HDAC5: variants seen among roughly 807,000 people sequenced by gnomAD.
The protein encoded by HDAC5 is antigen NY-CO-9.
A neutral mutation model predicts 133.3 loss-of-function variants in HDAC5; 25 were observed. That is an observed-to-expected ratio of 0.19 (90% confidence interval 0.14 to 0.26). The LOEUF is 0.26. Ranked by LOEUF, HDAC5 falls within the 10% of genes least tolerant of loss-of-function variation. The pLI, the probability that HDAC5 is intolerant of heterozygous loss-of-function variation, is 1.00. For missense variants in HDAC5, 1,041 were observed against 1,460.5 expected (o/e 0.71, Z 4.68); for synonymous variants, 589 against 610.8 (o/e 0.96, Z 0.53).
intron 3 of HDAC5, among the ~76,000 whole-genome samples, chr17:44,108,766 A>C (rs568043841): frequency 0.015 from 2,258 of 146,744 alleles, 105 homozygotes; most frequent in African/African-American, 0.051. Context: ...AAAAAACAAA[A>C]AAAAAACAAA....
intron 14 of HDAC5, 63 bp downstream of exon 14, chr17:44,086,509 C>G: frequency 8.1e-7 from 1 of 1,240,978 alleles, no homozygotes; most frequent in Admixed American, 4.0e-5. Flanking sequence ...TGCCATGGGG[C>G]AGACACCACA....
In HDAC5 at chr17:44,107,471, G is replaced by A. The variant is rs569811360; in HGVS notation, c.94+3258C>T. ...AAAAATACAAAAATTAGCCAGGCAC[G>A]GTGGCGTGTGCCTGTAGTCCCAGCT... On this transcript the variant is annotated intron_variant, in intron 3 of 26. Transcript: ENST00000682912. Among the ~76,000 whole-genome samples, 3 of 152,110 alleles carry A rather than the reference G, an allele frequency of 2.0e-5. No individual in the cohort carries two copies. In the South Asian group the frequency reaches 6.2e-4, roughly 32 times the overall value.
chr17:44,079,998 C>T lies in HDAC5; in HGVS notation c.2944+109G>A, dbSNP rs996248704. On this transcript the variant is annotated intron_variant, in intron 23 of 26. Transcript: ENST00000682912. ...GATGATTCCAAGTCTAGGCCCTGCCCCCTGCTTTCCCCGTCTGCTGCAATA... is the reference window on the plus strand; with the variant it reads ...GATGATTCCAAGTCTAGGCCCTGCCTCCTGCTTTCCCCGTCTGCTGCAATA... 25 of 827,854 alleles carry T rather than the reference C, an allele frequency of 3.0e-5. No homozygotes were observed. In the South Asian group the frequency reaches 3.6e-4, roughly 12 times the overall value. 51.3% of individuals were successfully genotyped at this position (827,854 alleles called of 1,614,324 possible).
intron 24 of HDAC5, 68 bp downstream of exon 24, chr17:44,079,076 C>G (rs780775516): frequency 3.1e-5 from 49 of 1,578,558 alleles, no homozygotes; most frequent in Non-Finnish European, 4.2e-5. Flanking sequence ...GCTCCCAGTG[C>G]TGGCTGACCC....
At chr17:44,080,918 C>T (rs372734411) in intron 20 of HDAC5, 36 bp from the exon 21 acceptor site, 84 of 1,613,640 alleles carry the variant, frequency 5.2e-5, no homozygotes, top group African/African-American at 1.3e-4. Context: ...GAAAATGGCC[C>T]GCGCTCTGAC....
Position 44,086,691 on chromosome 17 carries a change from G to A in HDAC5, c.1931C>T (p.Ala644Val), listed in dbSNP as rs200751670. ...QPLQPLQVYQ[A>V]PLSLATVPHQ... Reference sequence around the variant, plus strand: ...GGGCACAGTGGCCAGGCTGAGGGGCGCCTGGTACACCTGCAAAGGCTGCAG... The same window carrying A: ...GGGCACAGTGGCCAGGCTGAGGGGCACCTGGTACACCTGCAAAGGCTGCAG... The change falls in exon 14 of 27, where the codon GCG (alanine) becomes GTG (valine). Residue 644 changes from alanine (A) to valine (V), a missense_variant. Transcript: ENST00000682912. 2.8e-5 allele frequency: 36 copies of A among 1,299,704 alleles called. No homozygotes were observed. The highest frequency in any genetic ancestry group is 2.2e-4 in the Middle Eastern group (1 of 4,478). 80.5% of individuals were successfully genotyped at this position (1,299,704 alleles called of 1,614,324 possible).
chr17:44,092,206 C>A lies in HDAC5; in HGVS notation c.998G>T (p.Gly333Val), dbSNP rs1731204217. ...NSSHSTIAEN[G>V]FTGSVPNIPT... ...GATGTTGGGGACTGAGCCAGTAAAG[C>A]CATTCTCAGCGATGGTGCTGTGGGA... Residue 333 changes from glycine to valine, a missense_variant, in exon 9 of 27, where the codon GGC (glycine) becomes GTC (valine). Physicochemically the swap from Gly to Val is moderately radical, Grantham distance 109. Around this residue, in one of 9 missense-constraint regions of HDAC5, gnomAD observed 433 missense variants for 531.6 expected, o/e 0.81. Coordinates refer to ENST00000682912, the MANE Select transcript of HDAC5 (RefSeq NM_005474.5). 8 of 1,613,902 alleles carry A rather than the reference C, an allele frequency of 5.0e-6. No individual in the cohort carries two copies. Among genetic ancestry groups the A allele is most frequent in the Non-Finnish European group, 6.8e-6 (8 of 1,179,974 alleles).
chr17:44,087,417 T>G lies in HDAC5; in HGVS notation c.1879A>C (p.Lys627Gln). The change falls in exon 13 of 27, where the codon AAA becomes CAA. Residue 627 changes from lysine to glutamine, a missense_variant. Physicochemically the swap from Lys to Gln is moderately conservative, Grantham distance 53. Transcript: ENST00000682912. The part of the protein sequence containing the change: ...PDLEEPGAGY[K>Q]KLFSDAQPLQ... ...GGACCAGGGACGGGGCTCACTTTTT[T>G]GTATCCAGCACCAGGCTCCTCCAAG... is the stretch of plus-strand genomic sequence containing the variant. 1.0e-6 allele frequency: 1 copy of G among 1,003,198 alleles called. No individual in the cohort carries two copies. Among genetic ancestry groups the G allele is most frequent in the Non-Finnish European group, 1.6e-6 (1 of 625,388 alleles). 62.1% of individuals were successfully genotyped at this position (1,003,198 alleles called of 1,614,324 possible).
At chr17:44,084,813 GT>G in intron 15 of HDAC5, 138 bp from the exon 16 acceptor site, 1 of 1,314,264 alleles carries the variant, frequency 7.6e-7, no homozygotes, top group South Asian at 1.4e-5. Context: ...TCCTGGCTCT[GT>G]CATGACCTTA....
chr17:44,121,101 GA>G (rs35741759), intron 1 of HDAC5, among the ~76,000 whole-genome samples: 38,408 of 87,856 alleles, frequency 0.44, 8,015 homozygotes, highest in Non-Finnish European at 0.55. Context: ...GCTATTTCTA[GA>G]AAAAAAAAAA....
chr17:44,084,453 CG>C, intron 16 of HDAC5, 101 bp downstream of exon 16: 2 of 1,430,384 alleles, frequency 1.4e-6, no homozygotes, highest in Non-Finnish European at 1.9e-6. Context: ...GCCCTATGCC[CG>C]TGGGGACAAC....
Position 44,091,277 on chromosome 17 carries a change from G to A in HDAC5, c.1380C>T (p.Leu460=), listed in dbSNP as rs762522537. The part of the protein sequence containing the change: ...LLEQARQQST[L]IAVPLHGQSP... The stretch of plus-strand genomic sequence containing the variant: ...AGCTACCTGTCCACTCACCAGCAAT[G>A]AGGGTGCTCTGCTGCCGGGCCTGCT... Residue 460 remains leucine (L), a synonymous_variant, in exon 11 of 27, where the codon CTC becomes CTT. Transcript: ENST00000682912. The A allele has an allele frequency of 2.5e-6, 4 of 1,610,206 alleles. No individual in the cohort carries two copies. Among genetic ancestry groups the A allele is most frequent in the Non-Finnish European group, 3.4e-6 (4 of 1,178,818 alleles).
At chr17:44,090,821 C>T (rs1157234063) in intron 11 of HDAC5, among the ~76,000 whole-genome samples, 1 of 152,084 alleles carries the variant, frequency 6.6e-6, no homozygotes, top group African/African-American at 2.4e-5. Context: ...TCCTGAGTAG[C>T]TGGGACTACA....
At chr17:44,109,300 T>A (rs545941116) in intron 3 of HDAC5, among the ~76,000 whole-genome samples, 2 of 152,150 alleles carry the variant, frequency 1.3e-5, no homozygotes, top group African/African-American at 4.8e-5. Flanking sequence ...GGTCTTTAGC[T>A]GGACCTGTGG....
At chr17:44,110,996 C>T in intron 2 of HDAC5, 196 bp from the exon 3 acceptor site, 1 of 576,884 alleles carries the variant, frequency 1.7e-6, no homozygotes. Context: ...TAGGGAAGTG[C>T]CTCATCCGGC....
At chr17:44,087,017 C>G (rs1425715164) in intron 13 of HDAC5, among the ~76,000 whole-genome samples, 1 of 151,310 alleles carries the variant, frequency 6.6e-6, no homozygotes. Context: ...ATGAGTCAGG[C>G]CCGGAGGGCT....
chr17:44,118,385 TA>T (rs1567694294), intron 1 of HDAC5, among the ~76,000 whole-genome samples: 1 of 152,150 alleles, frequency 6.6e-6, no homozygotes, highest in African/African-American at 2.4e-5. Flanking sequence ...GTGCTCTGTG[TA>T]AGGAGGTCTG....
chr17:44,123,552 C>G lies in HDAC5; in HGVS notation c.-238G>C. ...TCGCGGGCGGCGGCGGCAGCAGCGGCGGCGGCAGCGGCGGCAGCACCTCCT... is the reference window on the plus strand; with the variant it reads ...TCGCGGGCGGCGGCGGCAGCAGCGGGGGCGGCAGCGGCGGCAGCACCTCCT... On this transcript the variant is annotated 5_prime_UTR_variant, in exon 1 of 27. Transcript: ENST00000682912. 1 of 400,846 alleles carries G rather than the reference C, an allele frequency of 2.5e-6. No homozygotes were observed. Among genetic ancestry groups the G allele is most frequent in the South Asian group, 1.3e-4 (1 of 7,932 alleles). 24.8% of individuals were successfully genotyped at this position (400,846 alleles called of 1,614,324 possible).
chr17:44,080,503 C>T lies in HDAC5; in HGVS notation c.2728-5G>A. On this transcript the variant is annotated splice_region_variant and splice_polypyrimidine_tract_variant and intron_variant, in intron 21 of 26. Coordinates refer to ENST00000682912, the MANE Select transcript of HDAC5 (RefSeq NM_005474.5). Reference sequence around the variant, plus strand: ...CACGCCTGGTCCTCCACCAACCTGGCACCAGAGTTGGGGAGAGGGCTATTC... The same window carrying T: ...CACGCCTGGTCCTCCACCAACCTGGTACCAGAGTTGGGGAGAGGGCTATTC... 3 of 1,613,926 alleles carry T rather than the reference C, an allele frequency of 1.9e-6. No individual in the cohort carries two copies. The highest frequency in any genetic ancestry group is 2.5e-6 in the Non-Finnish European group (3 of 1,179,866).
Sources: allele counts gnomAD v4.1 joint callset (sites outside exome capture counted in the v4.1 genomes callset), GRCh38; gene constraint gnomAD v4.1.1; regional missense constraint gnomAD v4.1.1; transcripts MANE v1.5; gene names NCBI Gene and HGNC (gene_info 2026-07-23, HGNC 2026-07-21).